FBLN2: variants seen among roughly 807,000 people sequenced by gnomAD.
The protein encoded by FBLN2 is fibulin-2.
Under a neutral mutation model 123.7 loss-of-function variants are expected in FBLN2, and 81 were observed. That is an observed-to-expected ratio of 0.65 (90% CI 0.55 to 0.79). FBLN2 has a LOEUF of 0.79. FBLN2 is among the 30% of genes least tolerant of loss of function. The pLI, the probability that FBLN2 is intolerant of heterozygous loss-of-function variation, is 0.00. For synonymous variants in FBLN2, 699 were observed against 701.4 expected, an observed-to-expected ratio of 1.00 and a Z score of 0.05; for missense variants, 1,603 against 1,681.3, an observed-to-expected ratio of 0.95 and a Z score of 0.81.
At chr3:13,635,975 AG>A (rs1455530166) in intron 16 of FBLN2, among the ~76,000 whole-genome samples, 12 of 152,058 alleles carry the variant, frequency 7.9e-5, no homozygotes, top group South Asian at 2.1e-4. Flanking sequence ...GCCATCCTGG[AG>A]GGGGTGACTC....
Position 13,629,289 on chromosome 3 carries a change from A to C in FBLN2, c.2839A>C (p.Ile947Leu), listed in dbSNP as rs767696016. 1 of 1,607,052 alleles carries C rather than the reference A, an allele frequency of 6.2e-7. No individual in the cohort carries two copies. Among genetic ancestry groups the C allele is most frequent in the Non-Finnish European group, 8.5e-7 (1 of 1,177,666 alleles). ...FQRDAFGRGC[I>L]DVNECWASPG... is the part of the protein sequence containing the mutation. ...GCGGGATGCCTTTGGCCGGGGCTGC[A>C]TCGGTAGGTAGGCTGGTGGCCAGGA... Residue 947 changes from isoleucine to leucine, a missense_variant, in exon 13 of 18, where the codon ATC becomes CTC. Ile to Leu is a conservative substitution (Grantham distance 5). Coordinates refer to ENST00000404922, the MANE Select transcript of FBLN2 (RefSeq NM_001004019.2).
intron 2 of FBLN2, among the ~76,000 whole-genome samples, chr3:13,587,266 G>T (rs1047848470): frequency 2.0e-5 from 3 of 151,812 alleles, no homozygotes; most frequent in Non-Finnish European, 2.9e-5. Flanking sequence ...TAAGGTAAGC[G>T]TTATTACAAA....
intron 2 of FBLN2, among the ~76,000 whole-genome samples, chr3:13,589,746 A>G (rs191831541): frequency 7.2e-5 from 11 of 152,312 alleles, no homozygotes; most frequent in Middle Eastern, 3.4e-3. Context: ...CTCCAACTAT[A>G]TTAATCTCTC....
Position 13,637,680 on chromosome 3 carries a change from A to T in FBLN2, c.3457A>T (p.Ile1153Phe). 6.2e-7 allele frequency: 1 copy of T among 1,613,968 alleles called. No homozygotes were observed. Among genetic ancestry groups the T allele is most frequent in the South Asian group, 1.1e-5 (1 of 91,082 alleles). ...CCTGGTGCCTGCGCATATCTTCCGC[A>T]TTGGCCCCGCGCCAGCCTTCACGGG... ...GLLVPAHIFR[I>F]GPAPAFTGDT... is the part of the protein sequence containing the mutation. The change falls in exon 18 of 18, where the codon ATT becomes TTT. Residue 1153 changes from isoleucine (I) to phenylalanine (F), a missense_variant. By Grantham distance (21) the Ile-to-Phe change is conservative (BLOSUM62 0). Coordinates refer to ENST00000404922, the MANE Select transcript of FBLN2 (RefSeq NM_001004019.2).
At chr3:13,561,627 T>C (rs994660508) in intron 1 of FBLN2, among the ~76,000 whole-genome samples, 12 of 152,210 alleles carry the variant, frequency 7.9e-5, no homozygotes, top group African/African-American at 2.9e-4. Flanking sequence ...GCAAGTAGGT[T>C]GCCTCCTAGG....
intron 8 of FBLN2, among the ~76,000 whole-genome samples, chr3:13,621,353 A>G (rs1208924011): frequency 1.3e-5 from 2 of 152,148 alleles, no homozygotes; most frequent in Non-Finnish European, 2.9e-5. Flanking sequence ...CCCCTTTTGG[A>G]TGGAGCACAG....
intron 2 of FBLN2, among the ~76,000 whole-genome samples, chr3:13,576,718 G>T (rs1388728765): frequency 1.6e-5 from 2 of 127,110 alleles, no homozygotes; most frequent in African/African-American, 3.7e-5. Flanking sequence ...TGGTCAGGGG[G>T]ATCCCCCCCC....
At chr3:13,637,479 C>T (rs1026650670) in intron 17 of FBLN2, 83 bp from the exon 18 acceptor site, 41 of 1,292,762 alleles carry the variant, frequency 3.2e-5, no homozygotes, top group Admixed American at 1.7e-4. Flanking sequence ...TTGATCCTGC[C>T]GCTGAGCTGT....
intron 2 of FBLN2, among the ~76,000 whole-genome samples, chr3:13,593,708 T>C (rs1012703601): frequency 8.4e-5 from 9 of 107,492 alleles, no homozygotes; most frequent in African/African-American, 1.7e-4. Context: ...AGTGAGACTC[T>C]ATCTCAAAAA....
rs201547527 is a variant in FBLN2 at position 13,637,893 on chromosome 3, A to G, written c.3670A>G (p.Ile1224Val). The G allele has an allele frequency of 8.8e-6, 14 of 1,598,366 alleles. No individual in the cohort carries two copies. The highest frequency in any genetic ancestry group is 1.7e-5 in the Admixed American group (1 of 59,428). The change falls in exon 18 of 18, where the codon ATC becomes GTC. Residue 1224 changes from isoleucine to valine, a missense_variant. Coordinates refer to ENST00000404922, the MANE Select transcript of FBLN2 (RefSeq NM_001004019.2). ...CACCACCTTCCTGGCCAAGATGCAC[A>G]TCTTCTTCACCACCTTTGCCCTGTG... ...SVTTFLAKMH[I>V]FFTTFAL is the part of the protein sequence containing the mutation.
intron 5 of FBLN2, among the ~76,000 whole-genome samples, chr3:13,614,473 T>G (rs1322326790): frequency 6.6e-6 from 1 of 152,168 alleles, no homozygotes; most frequent in African/African-American, 2.4e-5. Context: ...TTTGCTCTTT[T>G]TCCATCCATT....
chr3:13,604,322 G>C (rs1705135337), intron 2 of FBLN2, among the ~76,000 whole-genome samples: 1 of 152,130 alleles, frequency 6.6e-6, no homozygotes, highest in South Asian at 2.1e-4. Context: ...CCTATGTCCT[G>C]AATGGTATTG....
At chr3:13,633,954 A>AACACACGCACACACACACAC (rs1706355012) in intron 16 of FBLN2, among the ~76,000 whole-genome samples, 1 of 112,830 alleles carries the variant, frequency 8.9e-6, no homozygotes, top group Non-Finnish European at 1.8e-5. Context: ...ACACACTGCA[A>AACACACGCACACACACACAC]ACACACACAC....
intron 11 of FBLN2, 144 bp downstream of exon 11, chr3:13,628,113 G>A (rs984425555): frequency 3.7e-5 from 40 of 1,068,438 alleles, no homozygotes; most frequent in Non-Finnish European, 5.2e-5. Context: ...CCTGTGAATG[G>A]GCATGTCAAG....
At chr3:13,611,731 C>G (rs1705397253) in intron 4 of FBLN2, among the ~76,000 whole-genome samples, 1 of 152,194 alleles carries the variant, frequency 6.6e-6, no homozygotes, top group Admixed American at 6.5e-5. Context: ...AATAGTAATG[C>G]TGCTGTGAAC....
At chr3:13,636,147 A>T (rs9880803) in intron 16 of FBLN2, among the ~76,000 whole-genome samples, 5 of 152,088 alleles carry the variant, frequency 3.3e-5, no homozygotes, top group Admixed American at 1.3e-4. Context: ...GAAGGAGCTT[A>T]GAGAGGCCAG....
intron 1 of FBLN2, among the ~76,000 whole-genome samples, chr3:13,550,820 C>G (rs1198207446): frequency 2.0e-5 from 3 of 152,214 alleles, no homozygotes; most frequent in Non-Finnish European, 4.4e-5. Flanking sequence ...GAATCTTATT[C>G]TGGAGGCACA....
At chr3:13,620,057 G>A (rs1574990600) in intron 8 of FBLN2, among the ~76,000 whole-genome samples, 1 of 152,110 alleles carries the variant, frequency 6.6e-6, no homozygotes, top group East Asian at 1.9e-4. Context: ...TGGCTGCATA[G>A]GAATGGGGCC....
At chr3:13,597,961 C>T (rs1187175454) in intron 2 of FBLN2, among the ~76,000 whole-genome samples, 4 of 152,314 alleles carry the variant, frequency 2.6e-5, no homozygotes, top group South Asian at 4.1e-4. Flanking sequence ...AGAGCACCTG[C>T]GTCTCTCTTT....
Sources: gnomAD v4.1 joint callset for allele counts (sites outside exome capture counted in the v4.1 genomes callset) on GRCh38, gnomAD v4.1.1 for gene constraint, MANE v1.5 for transcripts, NCBI Gene and HGNC (gene_info 2026-07-23, HGNC 2026-07-21) for gene names.